The following ANO4 variants were observed in gnomAD, a reference collection of about 807,000 sequenced individuals.
ANO4 encodes the protein anoctamin 4, also known as anoctamin-4.
Under a neutral mutation model 141.9 loss-of-function variants are expected in ANO4, and 69 were observed. That is an observed-to-expected ratio of 0.49 (90% CI 0.40 to 0.59). The LOEUF is 0.59. Ranked by LOEUF, ANO4 falls within the 20% of genes least tolerant of loss-of-function variation. The pLI, the probability that ANO4 is intolerant of heterozygous loss-of-function variation, is 0.00. For missense variants in ANO4, 894 were observed against 1,162.2 expected (o/e 0.77, Z 3.36); for synonymous variants, 350 against 394.3 (o/e 0.89, Z 1.33).
At chr12:100,783,993 C>T (rs555509174) in intron 3 of ANO4, among the ~76,000 whole-genome samples, 88 of 222 alleles carry the variant, frequency 0.4, no homozygotes, top group African/African-American at 0.46. Context: ...GAAGAACACA[C>T]TCCATGGCTC....
At chr12:100,728,960 C>G (rs1400876882) in intron 1 of ANO4, among the ~76,000 whole-genome samples, 2 of 152,112 alleles carry the variant, frequency 1.3e-5, no homozygotes, top group Non-Finnish European at 2.9e-5. Context: ...CCACCCCTGC[C>G]CCATACTCTT....
Position 100,939,422 on chromosome 12 carries a change from G to A in ANO4, c.268G>A (p.Asp90Asn). The change falls in exon 4 of 28, where the codon GAT becomes AAT. Residue 90 changes from aspartate (D) to asparagine (N), a missense_variant. Physicochemically the swap from Asp to Asn is conservative, Grantham distance 23. Around this residue, in one of 2 missense-constraint regions of ANO4, gnomAD observed 257 missense variants for 253.0 expected, o/e 1.02. Coordinates refer to ENST00000392977, the MANE Select transcript of ANO4 (RefSeq NM_001286615.2). Reference sequence around the variant, plus strand: ...TGGAAACCTGACTAGTACTTCAGATGATGCCAGCAGATTGGAAGCCGGGGG... The same window carrying A: ...TGGAAACCTGACTAGTACTTCAGATAATGCCAGCAGATTGGAAGCCGGGGG... ...HPGNLTSTSD[D>N]ASRLEAGGET... 1 of 1,613,668 alleles carries A rather than the reference G, an allele frequency of 6.2e-7. No homozygotes were observed. Among genetic ancestry groups the A allele is most frequent in the Non-Finnish European group, 8.5e-7 (1 of 1,179,668 alleles).
At chr12:101,044,243 A>T (rs1224228966) in intron 13 of ANO4, among the ~76,000 whole-genome samples, 1 of 152,238 alleles carries the variant, frequency 6.6e-6, no homozygotes, top group Non-Finnish European at 1.5e-5. Flanking sequence ...AATACAGGAA[A>T]TATGTGTCCT....
chr12:100,740,362 A>T (rs1474446609), intron 3 of ANO4, among the ~76,000 whole-genome samples: 2 of 152,010 alleles, frequency 1.3e-5, no homozygotes, highest in Non-Finnish European at 2.9e-5. Context: ...ACAGGCACGC[A>T]CACCACCATG....
At chr12:100,964,235 C>T (rs2043549837) in intron 5 of ANO4, among the ~76,000 whole-genome samples, 3 of 152,194 alleles carry the variant, frequency 2.0e-5, no homozygotes, top group Admixed American at 2.0e-4. Flanking sequence ...AGCCAGACTG[C>T]ATTGATGAGA....
intron 2 of ANO4, among the ~76,000 whole-genome samples, chr12:100,910,749 C>T (rs1196378835): frequency 6.6e-6 from 1 of 152,074 alleles, no homozygotes; most frequent in Non-Finnish European, 1.5e-5. Context: ...TTGCTTTTTC[C>T]TTATCTGTTA....
In ANO4 at chr12:101,020,091, G is replaced by C. The variant is rs145580165; in HGVS notation, c.792G>C (p.Val264=). 12 of 1,613,458 alleles carry C rather than the reference G, an allele frequency of 7.4e-6. No homozygotes were observed. In the African/African-American group the frequency reaches 1.6e-4, roughly 22 times the overall value. The change falls in exon 9 of 28, where the codon GTG becomes GTC. Residue 264 remains valine (V), a synonymous_variant. Transcript: ENST00000392977. ...ACAATGCCACAAGAAGTAGAATCGT[G>C]CATCACATTTTACAAAGAATAAAAT... The part of the protein sequence containing the change: ...FFNNATRSRI[V]HHILQRIKYE...
At chr12:100,724,951 T>A (rs1000350163) in intron 1 of ANO4, among the ~76,000 whole-genome samples, 1 of 152,232 alleles carries the variant, frequency 6.6e-6, no homozygotes, top group Non-Finnish European at 1.5e-5. Flanking sequence ...GAACCTTTTA[T>A]AAACAATTTA....
chr12:101,044,012 C>T (rs908819726), intron 13 of ANO4, among the ~76,000 whole-genome samples: 5 of 152,170 alleles, frequency 3.3e-5, no homozygotes, highest in Admixed American at 6.5e-5. Context: ...GCTTGTTTCA[C>T]ACGGAGTTAA....
At chr12:100,858,023 TAGG>T (rs1256724158) in intron 1 of ANO4, among the ~76,000 whole-genome samples, 1 of 152,166 alleles carries the variant, frequency 6.6e-6, no homozygotes, top group Non-Finnish European at 1.5e-5. Flanking sequence ...TCACTGGTGA[TAGG>T]AGAATTTGAT....
intron 19 of ANO4, 27 bp downstream of exon 19, chr12:101,096,674 C>T (rs762700750): frequency 6.4e-7 from 1 of 1,554,926 alleles, no homozygotes; most frequent in Non-Finnish European, 8.9e-7. Context: ...TGCACACCTC[C>T]CCAAGCTGAG....
chr12:100,832,097 T>C (rs2036662443), intron 1 of ANO4, among the ~76,000 whole-genome samples: 2 of 152,080 alleles, frequency 1.3e-5, no homozygotes, highest in South Asian at 2.1e-4. Context: ...CACATGTTTA[T>C]GCAACACAGC....
rs1486005101 is a variant in ANO4, at chr12:100,787,642, G to C, written c.358+47537G>C. Among the ~76,000 whole-genome samples, 3 of 152,124 alleles carry C rather than the reference G, an allele frequency of 2.0e-5. No individual in the cohort carries two copies. The East Asian group carries it at 5.8e-4, about 29-fold the overall frequency. On this transcript the variant is annotated intron_variant, in intron 3 of 29. Transcript: ENST00000644049. ...TCTGGGGAAAATTAATAGCTAGACT[G>C]GGGCAATGACAGCACAGTGAGGATA... is the stretch of plus-strand genomic sequence containing the variant.
At chr12:100,985,202 T>C (rs1391846013) in intron 7 of ANO4, among the ~76,000 whole-genome samples, 1 of 152,252 alleles carries the variant, frequency 6.6e-6, no homozygotes, top group Admixed American at 6.5e-5. Context: ...GTCTAATTTA[T>C]GTGTCCATAT....
chr12:100,822,818 C>T (rs1472003889), intron 1 of ANO4, among the ~76,000 whole-genome samples: 2 of 151,954 alleles, frequency 1.3e-5, no homozygotes, highest in Non-Finnish European at 2.9e-5. Flanking sequence ...TTGTCTTACT[C>T]GTACTTCCTT....
At chr12:100,921,689 T>C (rs1191517119) in intron 2 of ANO4, among the ~76,000 whole-genome samples, 1 of 152,110 alleles carries the variant, frequency 6.6e-6, no homozygotes, top group Non-Finnish European at 1.5e-5. Flanking sequence ...CTTAATTACT[T>C]CATAGAATAA....
At chr12:100,756,293 A>G (rs2032608190) in intron 3 of ANO4, among the ~76,000 whole-genome samples, 1 of 152,186 alleles carries the variant, frequency 6.6e-6, no homozygotes, top group Non-Finnish European at 1.5e-5. Flanking sequence ...TAATAAGCAG[A>G]TTAGTGAAGA....
At chr12:100,982,309 C>G (rs1461574923) in intron 7 of ANO4, among the ~76,000 whole-genome samples, 3 of 152,190 alleles carry the variant, frequency 2.0e-5, no homozygotes, top group Non-Finnish European at 4.4e-5. Context: ...TTTCTATTCC[C>G]TATTGGTGGA....
chr12:100,895,682 C>G (rs2040315811), intron 1 of ANO4, among the ~76,000 whole-genome samples: 1 of 151,112 alleles, frequency 6.6e-6, no homozygotes, highest in Non-Finnish European at 1.5e-5. Context: ...CTGTCTCAGT[C>G]TCCCGAGTAG....
Sources: gnomAD v4.1 joint callset for allele counts (sites outside exome capture counted in the v4.1 genomes callset) on GRCh38, gnomAD v4.1.1 for gene constraint, gnomAD v4.1.1 regional missense constraint, MANE v1.5 for transcripts, NCBI Gene and HGNC (gene_info 2026-07-23, HGNC 2026-07-21) for gene names.